Variants in USF3 observed in about 807,000 individuals in gnomAD.
USF3 encodes the protein basic helix-loop-helix domain-containing protein USF3.
In USF3, 29 loss-of-function variants were observed where a neutral mutation model predicts 157.5. The observed-to-expected ratio is 0.18, with a 90% CI of 0.14 to 0.25. USF3 has a LOEUF of 0.25. USF3 is among the 10% of genes least tolerant of loss of function. The pLI, the probability that USF3 is intolerant of heterozygous loss-of-function variation, is 1.00. For synonymous variants in USF3, 893 were observed against 941.4 expected (o/e 0.95, Z 0.94); for missense variants, 2,381 against 2,667.6 (o/e 0.89, Z 2.37).
Position 113,656,840 on chromosome 3 carries a change from T to G in USF3, c.4842A>C (p.Ser1614=), listed in dbSNP as rs751041931. 5 of 1,614,250 alleles carry G rather than the reference T, an allele frequency of 3.1e-6. No individual in the cohort carries two copies. The South Asian group carries it at 4.4e-5, about 14-fold the overall frequency. Residue 1614 remains serine (S), a synonymous_variant, in exon 7 of 7, where the codon TCA becomes TCC. Transcript: ENST00000316407. Reference sequence around the variant, plus strand: ...CAGATACATGTTCAGATGAAACCCCTGAACCTTGCTGTCTGCTTCCAACAT... The same window carrying G: ...CAGATACATGTTCAGATGAAACCCCGGAACCTTGCTGTCTGCTTCCAACAT... ...QQDVGSRQQG[S]GVSSEHVSGH...
chr3:113,689,611 G>T (rs1707640816), intron 1 of USF3, among the ~76,000 whole-genome samples: 1 of 152,110 alleles, frequency 6.6e-6, no homozygotes, highest in African/African-American at 2.4e-5. Context: ...TGTTAAACAA[G>T]AATTTACTGC....
Position 113,649,571 on chromosome 3 carries a change from T to G in USF3, c.*5373A>C. On this transcript the variant is annotated 3_prime_UTR_variant, in exon 7 of 7. Coordinates refer to ENST00000316407, the MANE Select transcript of USF3 (RefSeq NM_001009899.4). ...GGCTCAGAGAATGGTAAGGCAACAG[T>G]GAGAAACATCAGCTGTACTTGTCGA... is the stretch of plus-strand genomic sequence containing the variant. The G allele has an allele frequency of 1.1e-5, 4 of 369,566 alleles. No homozygotes were observed. Among genetic ancestry groups the G allele is most frequent in the Non-Finnish European group, 1.4e-5 (3 of 208,092 alleles). 22.9% of individuals were successfully genotyped at this position (369,566 alleles called of 1,614,324 possible). A position where few individuals can be genotyped will look rare whatever the true frequency, so the allele number is the denominator to read the frequency against.
chr3:113,682,544 A>G (rs1257749863), intron 1 of USF3, among the ~76,000 whole-genome samples: 1 of 152,174 alleles, frequency 6.6e-6, no homozygotes, highest in Admixed American at 6.5e-5. Context: ...AATCTGTCCA[A>G]TGCTGAAAGT....
At chr3:113,687,990 A>G (rs1707595972) in intron 1 of USF3, among the ~76,000 whole-genome samples, 1 of 152,254 alleles carries the variant, frequency 6.6e-6, no homozygotes, top group Non-Finnish European at 1.5e-5. Flanking sequence ...AACTGATTCC[A>G]GGGTCAGCTA....
rs756869399 is a variant in USF3, at chr3:113,660,460, T to C, written c.1222A>G (p.Ser408Gly). ...WTLSCSLPSS[S>G]VSTSDLKNIN... is the part of the protein sequence containing the mutation. ...TTTTTCAAATCTGAAGTACTAACAC[T>C]TGAAGAAGGCAAAGAACAAGAAAGA... Residue 408 changes from serine to glycine, a missense_variant, in exon 7 of 7, where the codon AGT (serine) becomes GGT (glycine). Around this residue, in one of 6 missense-constraint regions of USF3, gnomAD observed 1,435 missense variants for 1,550.9 expected, o/e 0.93. Transcript: ENST00000316407. The C allele has an allele frequency of 6.2e-7, 1 of 1,614,168 alleles. No individual in the cohort carries two copies. The highest frequency in any genetic ancestry group is 8.5e-7 in the Non-Finnish European group (1 of 1,180,018).
rs1453869666 is a variant in USF3 at position 113,659,829 on chromosome 3, G to A, written c.1853C>T (p.Ser618Leu). 2.5e-6 allele frequency: 4 copies of A among 1,614,208 alleles called. No individual in the cohort carries two copies. The highest frequency in any genetic ancestry group is 4.5e-5 in the East Asian group (2 of 44,892). ...GANTVIGSNNSVQNVPTPQTF... is the reference protein window; with the variant it reads ...GANTVIGSNNLVQNVPTPQTF... ...CTGTGGTGTTGGAACATTTTGCACT[G>A]AATTATTAGACCCTATTACAGTATT... is the stretch of plus-strand genomic sequence containing the variant. Residue 618 changes from serine (S) to leucine (L), a missense_variant, in exon 7 of 7, where the codon TCA becomes TTA. Transcript: ENST00000316407.
In USF3 at chr3:113,651,641, T is replaced by C. The variant is rs1489945920; in HGVS notation, c.*3303A>G. 6.6e-6 allele frequency: 1 copy of C among 152,236 alleles called. No individual in the cohort carries two copies. Among genetic ancestry groups the C allele is most frequent in the Non-Finnish European group, 1.5e-5 (1 of 68,040 alleles). The allele number at this position is 152,236 out of a possible 1,614,324, so 9.4% of individuals were successfully genotyped here. On this transcript the variant is annotated 3_prime_UTR_variant, in exon 7 of 7. Transcript: ENST00000316407. ...AAAATCACGTAGCTCTATCAAATACTTAATACTGCTAGTAAATCTCATATA... is the reference window on the plus strand; with the variant it reads ...AAAATCACGTAGCTCTATCAAATACCTAATACTGCTAGTAAATCTCATATA...
In USF3 at chr3:113,656,312, C is replaced by G; in HGVS notation, c.5370G>C (p.Lys1790Asn). 1 of 1,614,178 alleles carries G rather than the reference C, an allele frequency of 6.2e-7. No individual in the cohort carries two copies. Among genetic ancestry groups the G allele is most frequent in the Non-Finnish European group, 8.5e-7 (1 of 1,180,040 alleles). Residue 1790 changes from lysine (K) to asparagine (N), a missense_variant, in exon 7 of 7, where the codon AAG becomes AAC. By Grantham distance (94) the Lys-to-Asn change is moderately conservative. Around this residue, in one of 6 missense-constraint regions of USF3, gnomAD observed 770 missense variants for 824.2 expected, o/e 0.93. Transcript: ENST00000316407. ...NTGPPPIDRQKRLSYPPVQSI... is the reference protein window; with the variant it reads ...NTGPPPIDRQNRLSYPPVQSI... ...TCTGAACTGGTGGGTAAGATAATCT[C>G]TTTTGACGGTCAATTGGTGGGGGGC...
At chr3:113,667,383 T>C (rs370215704) in intron 5 of USF3, among the ~76,000 whole-genome samples, 1 of 152,216 alleles carries the variant, frequency 6.6e-6, no homozygotes, top group Non-Finnish European at 1.5e-5. Flanking sequence ...AAAATGGTTA[T>C]GGTTTCCTTT....
In USF3 at chr3:113,649,946, G is replaced by C; in HGVS notation, c.*4998C>G. ...GGGGAAAGAAAAATGGTAATGTTCA[G>C]CCAAAAAGGCATCTTGAGAAGAAAC... On this transcript the variant is annotated 3_prime_UTR_variant, in exon 7 of 7. Coordinates refer to ENST00000316407, the MANE Select transcript of USF3 (RefSeq NM_001009899.4). The C allele has an allele frequency of 1.5e-6, 1 of 673,644 alleles. No individual in the cohort carries two copies. Among genetic ancestry groups the C allele is most frequent in the Non-Finnish European group, 2.7e-6 (1 of 374,068 alleles). The allele number at this position is 673,644 out of a possible 1,614,324, so 41.7% of individuals were successfully genotyped here.
In USF3 at chr3:113,655,201, G is replaced by A; in HGVS notation, c.6481C>T (p.Pro2161Ser). 6.2e-7 allele frequency: 1 copy of A among 1,614,182 alleles called. No individual in the cohort carries two copies. Among genetic ancestry groups the A allele is most frequent in the Non-Finnish European group, 8.5e-7 (1 of 1,180,020 alleles). ...AAACTTGGTTGAGCAAACCCAACAG[G>A]TCTGGGAGGAGATAAAATTGATCCA... ...RFGSILSPPR[P>S]VGFAQPSFPL... is the part of the protein sequence containing the mutation. The change falls in exon 7 of 7, where the codon CCT becomes TCT. Residue 2161 changes from proline to serine, a missense_variant. By Grantham distance (74) the Pro-to-Ser change is moderately conservative. Transcript: ENST00000316407.
At chr3:113,673,403 T>A in intron 3 of USF3, 27 bp from the exon 4 acceptor site, 1 of 1,479,598 alleles carries the variant, frequency 6.8e-7, no homozygotes, top group Non-Finnish European at 9.4e-7. Flanking sequence ...AGATAAAAGG[T>A]AACATGAAAA....
At chr3:113,680,503 T>C (rs1707390458) in intron 1 of USF3, among the ~76,000 whole-genome samples, 1 of 152,142 alleles carries the variant, frequency 6.6e-6, no homozygotes, top group Non-Finnish European at 1.5e-5. Context: ...GTTGATTTTG[T>C]TTATCTTTTC....
intron 1 of USF3, among the ~76,000 whole-genome samples, chr3:113,687,415 G>A (rs1042421610): frequency 6.6e-6 from 1 of 152,158 alleles, no homozygotes; most frequent in Non-Finnish European, 1.5e-5. Context: ...CCAAGATCCA[G>A]GTGCTGCCTG....
Position 113,656,677 on chromosome 3 carries a change from A to G in USF3, c.5005T>C (p.Ser1669Pro), listed in dbSNP as rs1171630504. ...RPERNRVSSY[S>P]AEALIGKTSS... The stretch of plus-strand genomic sequence containing the variant: ...GTCTTTCCAATGAGTGCCTCAGCAG[A>G]ATAACTTGAAACTCTATTTCTCTCT... Residue 1669 changes from serine (S) to proline (P), a missense_variant, in exon 7 of 7, where the codon TCT becomes CCT. Transcript: ENST00000316407. The G allele has an allele frequency of 6.2e-7, 1 of 1,614,046 alleles. No homozygotes were observed. Among genetic ancestry groups the G allele is most frequent in the African/African-American group, 1.3e-5 (1 of 74,934 alleles).
intron 1 of USF3, among the ~76,000 whole-genome samples, chr3:113,679,538 C>T (rs1404295845): frequency 6.6e-6 from 1 of 151,590 alleles, no homozygotes; most frequent in East Asian, 1.9e-4. Flanking sequence ...TTCAGCCTAC[C>T]TAGTAGCTAG....
At chr3:113,674,382 AC>A (rs1157042188) in intron 3 of USF3, among the ~76,000 whole-genome samples, 1 of 151,858 alleles carries the variant, frequency 6.6e-6, no homozygotes, top group Non-Finnish European at 1.5e-5. Flanking sequence ...AGTCTCTGTC[AC>A]CCAGGCTGGA....
intron 1 of USF3, among the ~76,000 whole-genome samples, chr3:113,693,697 A>G (rs1475794072): frequency 6.6e-6 from 1 of 152,258 alleles, no homozygotes; most frequent in Non-Finnish European, 1.5e-5. Flanking sequence ...AAACTGCCAC[A>G]TACCGTAAGC....
intron 1 of USF3, among the ~76,000 whole-genome samples, chr3:113,694,366 A>G (rs752051403): frequency 1.3e-5 from 2 of 152,214 alleles, no homozygotes; most frequent in Non-Finnish European, 2.9e-5. Context: ...TTTCTCATAC[A>G]TGACTGGTTC....
Sources: allele counts gnomAD v4.1 joint callset (sites outside exome capture counted in the v4.1 genomes callset), GRCh38; gene constraint gnomAD v4.1.1; regional missense constraint gnomAD v4.1.1; transcripts MANE v1.5; gene names NCBI Gene and HGNC (gene_info 2026-07-23, HGNC 2026-07-21).